Variants in PCDHGA7 observed in about 807,000 individuals in gnomAD.
PCDHGA7 encodes protocadherin gamma subfamily A, 7, also known as protocadherin gamma-A7.
Under a neutral mutation model 58.3 loss-of-function variants are expected in PCDHGA7, and 44 were observed. That is an observed-to-expected ratio of 0.75 (90% CI 0.59 to 0.97). PCDHGA7 has a LOEUF of 0.97. PCDHGA7 is among the 50% of genes least tolerant of loss of function. PCDHGA7 has a pLI of 0.00. For synonymous variants in PCDHGA7, 516 were observed against 504.2 expected (o/e 1.02, Z -0.31); for missense variants, 1,266 against 1,188.7 (o/e 1.06, Z -0.96).
At chr5:141,439,473 G>T (rs1414737627) in intron 1 of PCDHGA7, among the ~76,000 whole-genome samples, 2 of 152,202 alleles carry the variant, frequency 1.3e-5, no homozygotes, top group South Asian at 2.1e-4. Context: ...CTGCCTTTCA[G>T]CTTGCAAATT....
Position 141,491,758 on chromosome 5 carries a change from C to A in PCDHGA7, c.2425-3049C>A. The stretch of plus-strand genomic sequence containing the variant: ...TGGGGGCGGCACTGGAGAAGCCGCC[C>A]GTCCTCATAAGGGATTGAACTTGCA... On this transcript the variant is annotated intron_variant, in intron 1 of 3. Coordinates refer to ENST00000518325, the MANE Select transcript of PCDHGA7 (RefSeq NM_018920.4). This position sits in a 1 kb window ranked among gnomAD's most constrained non-coding sequence, Gnocchi z 6.9. 6.3e-7 allele frequency: 1 copy of A among 1,578,788 alleles called. No homozygotes were observed. Among genetic ancestry groups the A allele is most frequent in the Non-Finnish European group, 8.6e-7 (1 of 1,163,522 alleles).
chr5:141,486,832 A>G lies in PCDHGA7; in HGVS notation c.2425-7975A>G. 2.5e-6 allele frequency: 4 copies of G among 1,614,182 alleles called. No individual in the cohort carries two copies. Among genetic ancestry groups the G allele is most frequent in the South Asian group, 1.1e-5 (1 of 91,082 alleles). ...TTAGCAGCACTGTAACAGTTCGTCT[A>G]TTTGTGCTGGACCTCAATGACAATG... On this transcript the variant is annotated intron_variant, in intron 1 of 3. Transcript: ENST00000518325. The surrounding 1 kb of genome is among the most constrained non-coding windows in gnomAD (Gnocchi z 5.0).
chr5:141,494,943 G>A, intron 2 of PCDHGA7, 78 bp downstream of exon 2: 2 of 1,610,326 alleles, frequency 1.2e-6, no homozygotes, highest in Non-Finnish European at 1.7e-6. Flanking sequence ...ATGGGGGAGG[G>A]CCCAGCATTT....
At position 141,445,006 on chromosome 5, in the gene PCDHGA7, G is replaced by A. The variant is rs550056654; in HGVS notation, c.2425-49801G>A. Among the ~76,000 whole-genome samples, 51 of 152,044 alleles carry A rather than the reference G, an allele frequency of 3.4e-4. 2 individuals are homozygous for A. The South Asian group carries it at 9.6e-3, about 28-fold the overall frequency. ...CATGGTATATATTTCCATTTAATTA[G>A]GTCTTTAATTTCTCTCAGCTATGTT... On this transcript the variant is annotated intron_variant, in intron 1 of 3. Transcript: ENST00000518325.
At chr5:141,507,563 G>A (rs2099861587) in intron 3 of PCDHGA7, among the ~76,000 whole-genome samples, 1 of 152,222 alleles carries the variant, frequency 6.6e-6, no homozygotes, top group Non-Finnish European at 1.5e-5. Flanking sequence ...CAGGCGGCTG[G>A]GTCTGAGGAG....
At chr5:141,439,472 A>G (rs1185561573) in intron 1 of PCDHGA7, among the ~76,000 whole-genome samples, 3 of 152,228 alleles carry the variant, frequency 2.0e-5, no homozygotes, top group Non-Finnish European at 4.4e-5. Flanking sequence ...GCTGCCTTTC[A>G]GCTTGCAAAT....
In PCDHGA7 at chr5:141,476,516, G is replaced by T. The variant is rs1042414523; in HGVS notation, c.2425-18291G>T. 1 of 1,614,016 alleles carries T rather than the reference G, an allele frequency of 6.2e-7. No individual in the cohort carries two copies. The highest frequency in any genetic ancestry group is 8.5e-7 in the Non-Finnish European group (1 of 1,180,022). ...CCAGGACATCAACGACAACAATCCT[G>T]CTTTCCCTACCCAGGAAATGAAATT... On this transcript the variant is annotated intron_variant, in intron 1 of 3. Transcript: ENST00000518325. The surrounding 1 kb of genome is among the most constrained non-coding windows in gnomAD (Gnocchi z 7.6).
chr5:141,475,300 T>C (rs1383092136), intron 1 of PCDHGA7, among the ~76,000 whole-genome samples: 3 of 152,332 alleles, frequency 2.0e-5, no homozygotes, highest in South Asian at 2.1e-4. Context: ...AATTTCTTAT[T>C]GCTCCCTGGT....
chr5:141,432,369 A>G lies in PCDHGA7; in HGVS notation c.2424+47046A>G. 6.2e-7 allele frequency: 1 copy of G among 1,614,222 alleles called. No homozygotes were observed. The highest frequency in any genetic ancestry group is 1.1e-5 in the South Asian group (1 of 91,084). ...CAAGTGAAAGTGATGGCGCGGGACA[A>G]CGGGCACCCGCCCCTCAGCAGCAAC... On this transcript the variant is annotated intron_variant, in intron 1 of 3. Coordinates refer to ENST00000518325, the MANE Select transcript of PCDHGA7 (RefSeq NM_018920.4). The surrounding 1 kb of genome is among the most constrained non-coding windows in gnomAD (Gnocchi z 6.0).
At chr5:141,399,742 A>G in intron 1 of PCDHGA7, 14 of 1,613,320 alleles carry the variant, frequency 8.7e-6, no homozygotes, top group Non-Finnish European at 1.2e-5. Flanking sequence ...GCCTGCGCTC[A>G]GCGCAAACGT....
In PCDHGA7 at chr5:141,430,843, C is replaced by T. The variant is rs1370427603; in HGVS notation, c.2424+45520C>T. 2.6e-6 allele frequency: 4 copies of T among 1,568,356 alleles called. No homozygotes were observed. The African/African-American group carries it at 4.1e-5, about 16-fold the overall frequency. On this transcript the variant is annotated intron_variant, in intron 1 of 3. Coordinates refer to ENST00000518325, the MANE Select transcript of PCDHGA7 (RefSeq NM_018920.4). ...TGGGGACTCTGTGGGAGACCGGATG[C>T]ACCCAGATACGCTATTCAGTTCCGG...
chr5:141,489,962 C>A lies in PCDHGA7; in HGVS notation c.2425-4845C>A. The A allele has an allele frequency of 6.2e-7, 1 of 1,614,184 alleles. No individual in the cohort carries two copies. The highest frequency in any genetic ancestry group is 8.5e-7 in the Non-Finnish European group (1 of 1,180,008). ...CTGGACATCAATGATAATGCTCCAA[C>A]CTTCCAATCCTCAGTTCTACGTGTG... is the stretch of plus-strand genomic sequence containing the variant. On this transcript the variant is annotated intron_variant, in intron 1 of 3. Transcript: ENST00000518325. This position sits in a 1 kb window ranked among gnomAD's most constrained non-coding sequence, Gnocchi z 4.5.
chr5:141,437,956 T>A (rs998689841), intron 1 of PCDHGA7, among the ~76,000 whole-genome samples: 6 of 152,178 alleles, frequency 3.9e-5, no homozygotes, highest in African/African-American at 1.4e-4. Context: ...CAGAATGGTC[T>A]TGATCTCTTG....
Position 141,494,815 on chromosome 5 carries a change from G to C in PCDHGA7, c.2433G>C (p.Pro811=). 6.2e-7 allele frequency: 1 copy of C among 1,613,976 alleles called. No individual in the cohort carries two copies. The highest frequency in any genetic ancestry group is 8.5e-7 in the Non-Finnish European group (1 of 1,179,982). Residue 811 remains proline, a synonymous_variant, in exon 2 of 4, where the codon CCG becomes CCC. Transcript: ENST00000518325. Reference sequence around the variant, plus strand: ...CTCTGTTTTCTCCACAGCAAGCCCCGCCCAACACGGACTGGCGTTTCTCTC... The same window carrying C: ...CTCTGTTTTCTCCACAGCAAGCCCCCCCCAACACGGACTGGCGTTTCTCTC... ...KENLPSIQQA[P]PNTDWRFSQA...
At position 141,431,020 on chromosome 5, in the gene PCDHGA7, G is replaced by T. The variant is rs941765907; in HGVS notation, c.2424+45697G>T. ...CGCGCAGCGGCAGCTTGGTCACGGCGGGCAGGATAGACCGGGAGGAGCTCT... is the reference window on the plus strand; with the variant it reads ...CGCGCAGCGGCAGCTTGGTCACGGCTGGCAGGATAGACCGGGAGGAGCTCT... On this transcript the variant is annotated intron_variant, in intron 1 of 3. Coordinates refer to ENST00000518325, the MANE Select transcript of PCDHGA7 (RefSeq NM_018920.4). This position sits in a 1 kb window ranked among gnomAD's most constrained non-coding sequence, Gnocchi z 4.8. 2.5e-6 allele frequency: 4 copies of T among 1,614,050 alleles called. No homozygotes were observed. The East Asian group carries it at 8.9e-5, about 36-fold the overall frequency.
intron 1 of PCDHGA7, chr5:141,414,399 GGTGATAC>G (rs1297009673): frequency 6.2e-7 from 1 of 1,613,846 alleles, no homozygotes; most frequent in South Asian, 1.1e-5. Flanking sequence ...ATTACAGATT[GGTGATAC>G]ACAGAGCCCT....
rs368800698 is a variant in PCDHGA7, at chr5:141,405,118, G to A, written c.2424+19795G>A. The A allele has an allele frequency of 1.1e-5, 18 of 1,613,946 alleles. No homozygotes were observed. The East Asian group carries it at 1.8e-4, about 16-fold the overall frequency. ...TCAGGCTGAGGCACTGGCACTCCTCGCATCTGCTGCGGGCTACCAGTGATG... is the reference window on the plus strand; with the variant it reads ...TCAGGCTGAGGCACTGGCACTCCTCACATCTGCTGCGGGCTACCAGTGATG... On this transcript the variant is annotated intron_variant, in intron 1 of 3. Transcript: ENST00000518325.
intron 1 of PCDHGA7, chr5:141,392,681 G>T: frequency 1.9e-6 from 2 of 1,026,496 alleles, no homozygotes; most frequent in Non-Finnish European, 2.7e-6. Flanking sequence ...CTGGACTGCA[G>T]CGAAACCCGA....
At chr5:141,443,054 A>G (rs1591749542) in intron 1 of PCDHGA7, among the ~76,000 whole-genome samples, 1 of 152,218 alleles carries the variant, frequency 6.6e-6, no homozygotes. Flanking sequence ...TTATTGTTCC[A>G]CTGAAGAGCG....
Sources: gnomAD v4.1 joint callset for allele counts (sites outside exome capture counted in the v4.1 genomes callset) on GRCh38, gnomAD v4.1.1 for gene constraint, Gnocchi (gnomAD v3.1) non-coding constraint, MANE v1.5 for transcripts, NCBI Gene and HGNC (gene_info 2026-07-23, HGNC 2026-07-21) for gene names.